KAZN: variants seen among roughly 807,000 people sequenced by gnomAD.
KAZN encodes the protein kazrin, periplakin interacting protein.
Under a neutral mutation model 87.4 loss-of-function variants are expected in KAZN, and 40 were observed. The ratio of observed to expected loss-of-function variants is 0.46; its 90% CI spans 0.36 to 0.60. The LOEUF (loss-of-function observed/expected upper bound fraction) is 0.60, where lower values mean the gene tolerates loss of function less well. KAZN is among the 20% of genes least tolerant of loss of function. KAZN has a pLI of 0.00. For synonymous variants in KAZN, 466 were observed against 458.3 expected (o/e 1.02, Z -0.22); for missense variants, 898 against 1,073.9 (o/e 0.84, Z 2.29).
At chr1:14,133,399 A>AAGAAAGAG (rs1422813222) in intron 1 of KAZN, among the ~76,000 whole-genome samples, 1 of 33,902 alleles carries the variant, frequency 2.9e-5, no homozygotes, top group African/African-American at 2.3e-4. Flanking sequence ...GAAAGAAAGA[A>AAGAAAGAG]AGAAAGAAAG....
chr1:14,327,645 T>G (rs532259983), intron 2 of KAZN, among the ~76,000 whole-genome samples: 35 of 152,322 alleles, frequency 2.3e-4, no homozygotes, highest in Non-Finnish European at 5.9e-5. Flanking sequence ...CAATAAAGAT[T>G]TGGTGAATTA....
chr1:14,524,058 G>C (rs1484326139), intron 2 of KAZN, among the ~76,000 whole-genome samples: 2 of 151,992 alleles, frequency 1.3e-5, no homozygotes, highest in East Asian at 3.9e-4. Flanking sequence ...GTCTTGTTCT[G>C]TCACCTGGGC....
At chr1:14,478,620 T>C (rs1318999290) in intron 2 of KAZN, among the ~76,000 whole-genome samples, 1 of 152,244 alleles carries the variant, frequency 6.6e-6, no homozygotes, top group African/African-American at 2.4e-5. Flanking sequence ...AAATTTGTCC[T>C]CGCCCATCCT....
rs866815218 is a variant in KAZN at position 14,184,818 on chromosome 1, A to C, written c.249+4226A>C. 2.2e-4 allele frequency among the ~76,000 whole-genome samples: 33 copies of C among 152,192 alleles called. No individual in the cohort carries two copies. Among genetic ancestry groups the C allele is most frequent in the Non-Finnish European group, 2.9e-5 (2 of 68,018 alleles). ...TAGGGAGGGTTAGCGCCCCAAAGTC[A>C]ACATCATCTTGCATTGGGAAGGATG... On this transcript the variant is annotated intron_variant, in intron 2 of 16. Coordinates refer to the KAZN transcript ENST00000636203. The surrounding 1 kb of genome is among the most constrained non-coding windows in gnomAD (Gnocchi z 4.2).
At chr1:13,943,319 TAG>T (rs1232633433) in intron 1 of KAZN, among the ~76,000 whole-genome samples, 2 of 152,110 alleles carry the variant, frequency 1.3e-5, no homozygotes, top group African/African-American at 2.4e-5. Flanking sequence ...AAGAAGATAA[TAG>T]TGTCTGGGCA....
chr1:14,198,999 G>A (rs1646584840), intron 2 of KAZN, among the ~76,000 whole-genome samples: 2 of 152,114 alleles, frequency 1.3e-5, no homozygotes, highest in African/African-American at 4.8e-5. Context: ...AAAGAATGGA[G>A]GAGTGGATGG....
At chr1:14,818,509 C>T (rs1038290721) in intron 1 of KAZN, among the ~76,000 whole-genome samples, 2 of 152,244 alleles carry the variant, frequency 1.3e-5, no homozygotes, top group Non-Finnish European at 1.5e-5. Flanking sequence ...GAGAGCATGC[C>T]TGCATGGATG....
intron 2 of KAZN, among the ~76,000 whole-genome samples, chr1:15,032,338 A>T (rs868425410): frequency 6.7e-6 from 1 of 149,708 alleles, no homozygotes; most frequent in East Asian, 2.0e-4. Context: ...GACTACAGGC[A>T]CCTGCCACTA....
At chr1:14,202,708 C>T (rs950180042) in intron 2 of KAZN, among the ~76,000 whole-genome samples, 1 of 152,160 alleles carries the variant, frequency 6.6e-6, no homozygotes, top group African/African-American at 2.4e-5. Context: ...AGGTAAGTCA[C>T]TATGCTAGAT....
intron 2 of KAZN, among the ~76,000 whole-genome samples, chr1:14,418,041 A>AAAAAAAC (rs1664966381): frequency 7.3e-6 from 1 of 136,924 alleles, no homozygotes; most frequent in Admixed American, 7.8e-5. Flanking sequence ...AAAAAAAAAA[A>AAAAAAAC]AAACCTACAT....
chr1:14,226,590 A>G (rs1412012038), intron 2 of KAZN, among the ~76,000 whole-genome samples: 2 of 152,162 alleles, frequency 1.3e-5, no homozygotes, highest in African/African-American at 4.8e-5. Context: ...TACCATAAAG[A>G]CACATGCACG....
chr1:14,717,424 G>C (rs1235673344), intron 1 of KAZN, among the ~76,000 whole-genome samples: 1 of 152,046 alleles, frequency 6.6e-6, no homozygotes, highest in Non-Finnish European at 1.5e-5. Flanking sequence ...AACCTCTAGA[G>C]GAGGCTCCTT....
At chr1:14,990,064 C>T (rs1308171683) in intron 2 of KAZN, among the ~76,000 whole-genome samples, 1 of 152,132 alleles carries the variant, frequency 6.6e-6, no homozygotes, top group Non-Finnish European at 1.5e-5. Context: ...TATTCAGTAA[C>T]CTGCTCAAAG....
rs1644968184 is a variant in KAZN at position 14,769,501 on chromosome 1, C to T, written c.226+170278C>T. 6.6e-6 allele frequency among the ~76,000 whole-genome samples: 1 copy of T among 151,984 alleles called. No homozygotes were observed. The highest frequency in any genetic ancestry group is 6.6e-5 in the Admixed American group (1 of 15,260). ...TCCTGAGTATCTGGGATTACAGGCG[C>T]CCACCACCACGCCCGGCTAATTTTG... On this transcript the variant is annotated intron_variant, in intron 1 of 14. Transcript: ENST00000376030. This position sits in a 1 kb window ranked among gnomAD's most constrained non-coding sequence, Gnocchi z 4.1.
chr1:14,776,634 T>C (rs1645181484), intron 1 of KAZN, among the ~76,000 whole-genome samples: 1 of 152,102 alleles, frequency 6.6e-6, no homozygotes, highest in Non-Finnish European at 1.5e-5. Context: ...TTAATCTACA[T>C]GGTAACTTTT....
At chr1:15,100,409 C>T (rs140243246) in intron 10 of KAZN, among the ~76,000 whole-genome samples, 68 of 152,306 alleles carry the variant, frequency 4.5e-4, no homozygotes, top group African/African-American at 1.6e-3. Context: ...CCACCACTTT[C>T]CCTTTCACAT....
Position 14,705,405 on chromosome 1 carries a change from A to G in KAZN, c.226+106182A>G, listed in dbSNP as rs564737741. On this transcript the variant is annotated intron_variant, in intron 1 of 14. Transcript: ENST00000376030. The stretch of plus-strand genomic sequence containing the variant: ...CAAAAACTACAACTAGAACCACCGT[A>G]TGATCCAGCAATCCTACTACTGGAC... 6.8e-4 allele frequency among the ~76,000 whole-genome samples: 103 copies of G among 152,342 alleles called. No individual in the cohort carries two copies. The Middle Eastern group carries it at 0.017, about 25-fold the overall frequency.
At chr1:14,721,054 T>A (rs1176613205) in intron 1 of KAZN, among the ~76,000 whole-genome samples, 1 of 152,218 alleles carries the variant, frequency 6.6e-6, no homozygotes, top group Admixed American at 6.5e-5. Context: ...CTATTTAGGG[T>A]GCTCTGGGCC....
chr1:14,249,645 A>G (rs933291376), intron 2 of KAZN, among the ~76,000 whole-genome samples: 3 of 152,204 alleles, frequency 2.0e-5, no homozygotes, highest in African/African-American at 7.2e-5. Flanking sequence ...GAGTCTCTTT[A>G]CGATCATTTC....
Sources: allele counts gnomAD v4.1 joint callset (sites outside exome capture counted in the v4.1 genomes callset), GRCh38; gene constraint gnomAD v4.1.1; non-coding constraint Gnocchi (gnomAD v3.1); transcripts MANE v1.5; gene names NCBI Gene and HGNC (gene_info 2026-07-23, HGNC 2026-07-21).